The following TRIP4 variants were observed in gnomAD, a reference collection of about 807,000 sequenced individuals.
TRIP4 encodes activating signal cointegrator 1.
TRIP4 carries 54 observed loss-of-function variants against 81.8 expected under a neutral mutation model. The ratio of observed to expected loss-of-function variants is 0.66; its 90% CI spans 0.53 to 0.83. The LOEUF is 0.83. TRIP4 is among the 40% of genes least tolerant of loss of function. TRIP4 has a pLI of 0.00. For synonymous variants in TRIP4, 270 were observed against 242.8 expected (o/e 1.11, Z -1.04); for missense variants, 662 against 683.6 (o/e 0.97, Z 0.35).
At chr15:64,394,284 T>G (rs1354745349) in intron 2 of TRIP4, among the ~76,000 whole-genome samples, 169 bp downstream of exon 2, 1 of 152,096 alleles carries the variant, frequency 6.6e-6, no homozygotes, top group East Asian at 1.9e-4. Flanking sequence ...GTAATGAATA[T>G]TGCTCTAGTT....
intron 7 of TRIP4, among the ~76,000 whole-genome samples, chr15:64,412,824 C>T (rs573550619): frequency 7.2e-5 from 11 of 152,214 alleles, no homozygotes; most frequent in African/African-American, 2.6e-4. Context: ...AGGGTTCCTT[C>T]AGGGCTTATG....
chr15:64,451,488 T>TGG (rs1892755815), intron 12 of TRIP4, among the ~76,000 whole-genome samples: 72 of 36,050 alleles, frequency 2.0e-3, no homozygotes, highest in African/African-American at 7.4e-3. Flanking sequence ...TTTTTTTTTT[T>TGG]GGGGAGTGGG....
chr15:64,439,554 A>T, intron 11 of TRIP4, among the ~76,000 whole-genome samples: 1 of 73,002 alleles, frequency 1.4e-5, no homozygotes, highest in Non-Finnish European at 2.5e-5. Flanking sequence ...ATGGAGTTTC[A>T]CTCTTGTTGC....
chr15:64,404,257 A>G (rs1459577001), intron 5 of TRIP4, among the ~76,000 whole-genome samples: 1 of 151,742 alleles, frequency 6.6e-6, no homozygotes, highest in African/African-American at 2.4e-5. Flanking sequence ...TTCACTCTTG[A>G]GTTTTGACAT....
intron 12 of TRIP4, among the ~76,000 whole-genome samples, chr15:64,448,297 A>G (rs1892678151): frequency 6.6e-6 from 1 of 152,124 alleles, no homozygotes; most frequent in South Asian, 2.1e-4. Context: ...TACTTTCTCT[A>G]CACCTTCAGG....
At chr15:64,442,198 CAA>C (rs60056692) in intron 11 of TRIP4, among the ~76,000 whole-genome samples, 115 of 140,352 alleles carry the variant, frequency 8.2e-4, no homozygotes, top group East Asian at 2.2e-3. Flanking sequence ...TGATCTGATA[CAA>C]AAAAAAAAAA....
At chr15:64,397,110 C>G (rs1030892223) in intron 3 of TRIP4, among the ~76,000 whole-genome samples, 3 of 152,074 alleles carry the variant, frequency 2.0e-5, no homozygotes, top group Admixed American at 6.6e-5. Context: ...CGCTCTGTTG[C>G]CCAGTGGCGT....
chr15:64,424,784 TA>T (rs1235162512), intron 10 of TRIP4, among the ~76,000 whole-genome samples: 1 of 152,120 alleles, frequency 6.6e-6, no homozygotes, highest in Non-Finnish European at 1.5e-5. Context: ...TTTTCTTTTT[TA>T]TTTTTTTTTG....
intron 5 of TRIP4, among the ~76,000 whole-genome samples, chr15:64,405,930 T>C (rs1891612936): frequency 6.6e-6 from 1 of 152,234 alleles, no homozygotes; most frequent in Admixed American, 6.5e-5. Context: ...AGTTTGAGAC[T>C]GCAGTGAGCT....
intron 1 of TRIP4, among the ~76,000 whole-genome samples, chr15:64,389,046 A>G (rs1409427848): frequency 6.6e-6 from 1 of 152,226 alleles, no homozygotes; most frequent in Non-Finnish European, 1.5e-5. Context: ...CACAAAATAA[A>G]GGATTCTCAT....
chr15:64,426,699 CA>C (rs35662517), intron 11 of TRIP4, among the ~76,000 whole-genome samples: 52,189 of 77,134 alleles, frequency 0.68, 17,128 homozygotes, highest in East Asian at 0.88. Flanking sequence ...GACTCTGTCT[CA>C]AAAAAAAAAA....
intron 8 of TRIP4, among the ~76,000 whole-genome samples, chr15:64,416,120 A>G (rs1450656721): frequency 6.6e-6 from 1 of 152,078 alleles, no homozygotes; most frequent in Non-Finnish European, 1.5e-5. Flanking sequence ...AGTCCCAGAT[A>G]CTTGGGAAGC....
intron 1 of TRIP4, among the ~76,000 whole-genome samples, chr15:64,390,587 G>A (rs1900096744): frequency 1.3e-5 from 2 of 151,996 alleles, no homozygotes; most frequent in African/African-American, 4.8e-5. Context: ...GGATTACACA[G>A]TATCAAGAAA....
chr15:64,436,835 G>A (rs1392062129), intron 11 of TRIP4, among the ~76,000 whole-genome samples: 4 of 128,866 alleles, frequency 3.1e-5, no homozygotes, highest in Non-Finnish European at 6.3e-5. Context: ...GTGCAGTGGC[G>A]CGATCTCGGC....
At chr15:64,434,463 G>A (rs1432056214) in intron 11 of TRIP4, among the ~76,000 whole-genome samples, 1 of 151,944 alleles carries the variant, frequency 6.6e-6, no homozygotes, top group Non-Finnish European at 1.5e-5. Flanking sequence ...TTGAATGATA[G>A]GCATTCAAAT....
chr15:64,399,713 G>A (rs931112280), intron 4 of TRIP4, among the ~76,000 whole-genome samples: 3 of 151,666 alleles, frequency 2.0e-5, no homozygotes, highest in African/African-American at 7.3e-5. Flanking sequence ...TATTGACCAC[G>A]CTCAATTGAA....
intron 4 of TRIP4, 98 bp from the exon 5 acceptor site, chr15:64,400,645 C>T: frequency 1.2e-6 from 1 of 865,434 alleles, no homozygotes; most frequent in Admixed American, 2.4e-5. Flanking sequence ...ATTATTTTAT[C>T]ATCATCTAAT....
At chr15:64,421,455 C>T (rs2140299118) in intron 9 of TRIP4, among the ~76,000 whole-genome samples, 1 of 151,434 alleles carries the variant, frequency 6.6e-6, no homozygotes, top group Non-Finnish European at 1.5e-5. Flanking sequence ...CCAGCCTCAG[C>T]CTCTCGAGTA....
At chr15:64,441,423 G>C (rs959710878) in intron 11 of TRIP4, among the ~76,000 whole-genome samples, 2 of 152,046 alleles carry the variant, frequency 1.3e-5, no homozygotes, top group Admixed American at 1.3e-4. Context: ...CTAGTGAGTC[G>C]AGACCAAGTA....
Sources: gnomAD v4.1 joint callset for allele counts (sites outside exome capture counted in the v4.1 genomes callset) on GRCh38, gnomAD v4.1.1 for gene constraint, MANE v1.5 for transcripts, NCBI Gene and HGNC (gene_info 2026-07-23, HGNC 2026-07-21) for gene names.